Variants in MORN4 observed in about 807,000 individuals in gnomAD.
MORN4 encodes MORN repeat containing 4.
MORN4 carries 8 observed loss-of-function variants against 16.4 expected under a neutral mutation model. That is an observed-to-expected ratio of 0.49 (90% CI 0.29 to 0.88). MORN4 has a LOEUF of 0.88. Among genes scored for constraint, MORN4 ranks in the 40% least tolerant of loss-of-function variants. MORN4 has a pLI of 0.09. For missense variants in MORN4, 159 were observed against 182.9 expected, an observed-to-expected ratio of 0.87 and a Z score of 0.75; for synonymous variants, 53 against 68.9, an observed-to-expected ratio of 0.77 and a Z score of 1.14.
intron 2 of MORN4, 149 bp downstream of exon 2, chr10:97,619,438 A>C (rs1470771219): frequency 4.4e-6 from 3 of 681,742 alleles, no homozygotes; most frequent in Non-Finnish European, 8.2e-6. Context: ...ATTTAATCCT[A>C]AAATGGAATA....
intron 2 of MORN4, 28 bp downstream of exon 2, chr10:97,619,559 A>T: frequency 6.5e-7 from 1 of 1,530,434 alleles, no homozygotes; most frequent in Non-Finnish European, 9.1e-7. Context: ...AGTGTTCATC[A>T]TGGATACTCC....
chr10:97,628,538 CT>C (rs746160008), intron 1 of MORN4, among the ~76,000 whole-genome samples: 1,851 of 144,752 alleles, frequency 0.013, 25 homozygotes, highest in African/African-American at 0.037. Flanking sequence ...TTTTTTCTTT[CT>C]TTTTTTTTTT....
At chr10:97,626,754 AT>A (rs536665432) in intron 1 of MORN4, among the ~76,000 whole-genome samples, 2,063 of 110,960 alleles carry the variant, frequency 0.019, 41 homozygotes, top group African/African-American at 0.05. Flanking sequence ...CTGTGCCCAG[AT>A]TTTTTTTTTT....
At position 97,616,748 on chromosome 10, in the gene MORN4, G is replaced by A. The variant is rs1229615343; in HGVS notation, c.222C>T (p.Val74=). 4.3e-6 allele frequency: 7 copies of A among 1,613,906 alleles called. No individual in the cohort carries two copies. The African/African-American group carries it at 8.0e-5, about 18-fold the overall frequency. Residue 74 remains valine (V), a synonymous_variant, in exon 4 of 5, where the codon GTC becomes GTT. Coordinates refer to ENST00000307450, the MANE Select transcript of MORN4 (RefSeq NM_178832.4). ...TGTTGTCATATCGAATGAAGACTCC[G>A]ACGCCATTAAACTTGCCCTGGGCAA... ...GEFAQGKFNG[V]GVFIRYDNMT... is the part of the protein sequence containing the mutation.
At chr10:97,632,435 T>C (rs2041404898) in intron 1 of MORN4, among the ~76,000 whole-genome samples, 1 of 152,054 alleles carries the variant, frequency 6.6e-6, no homozygotes, top group South Asian at 2.1e-4. Context: ...GCCAAGCTAG[T>C]TTTGAACTCC....
intron 4 of MORN4, 32 bp downstream of exon 4, chr10:97,616,646 T>C (rs1206443558): frequency 2.6e-6 from 4 of 1,544,196 alleles, no homozygotes; most frequent in Non-Finnish European, 3.6e-6. Context: ...TATGCCCACC[T>C]AAGTCAGCCA....
chr10:97,633,920 T>C (rs1459690880), upstream of MORN4, among the ~76,000 whole-genome samples: 1 of 152,218 alleles, frequency 6.6e-6, no homozygotes, highest in East Asian at 1.9e-4. The surrounding 1 kb of genome is among the most constrained non-coding windows in gnomAD (Gnocchi z 4.5). Flanking sequence ...CTAGACATTG[T>C]GATATCAAGA....
chr10:97,621,939 A>G (rs897835199), intron 1 of MORN4, among the ~76,000 whole-genome samples: 2 of 152,028 alleles, frequency 1.3e-5, no homozygotes, highest in Non-Finnish European at 2.9e-5. Context: ...TGTTCTAGAT[A>G]ATGGAATGTT....
At chr10:97,616,849 G>A (rs920175173) in intron 3 of MORN4, 62 bp from the exon 4 acceptor site, 9 of 1,152,016 alleles carry the variant, frequency 7.8e-6, no homozygotes, top group African/African-American at 4.6e-5. Context: ...GAACGGAGTC[G>A]AGCAGCTGCT....
intron 3 of MORN4, 57 bp from the exon 4 acceptor site, chr10:97,616,844 G>A: frequency 8.3e-7 from 1 of 1,209,128 alleles, no homozygotes; most frequent in Non-Finnish European, 1.2e-6. Flanking sequence ...CAGATGAACG[G>A]AGTCGAGCAG....
At chr10:97,622,993 C>T (rs964680388) in intron 1 of MORN4, among the ~76,000 whole-genome samples, 2 of 151,778 alleles carry the variant, frequency 1.3e-5, no homozygotes, top group African/African-American at 2.4e-5. Flanking sequence ...CAAGGCATCC[C>T]GTCACCTCAG....
At chr10:97,624,667 A>G (rs2135739694) in intron 1 of MORN4, among the ~76,000 whole-genome samples, 1 of 152,234 alleles carries the variant, frequency 6.6e-6, no homozygotes, top group Middle Eastern at 3.4e-3. Context: ...ATTCTTCCTC[A>G]TCAGCTTCCC....
Position 97,630,883 on chromosome 10 carries a change from G to A in MORN4, c.-31+2464C>T, listed in dbSNP as rs990067063. 2.6e-5 allele frequency among the ~76,000 whole-genome samples: 4 copies of A among 152,118 alleles called. No homozygotes were observed. The Middle Eastern group carries it at 0.01, about 388-fold the overall frequency. ...ACTTTTTTTTTTTTGAGGCAGTCTG[G>A]CTCTGTCATCCAAGCTGGAGTGCAG... On this transcript the variant is annotated intron_variant, in intron 1 of 4. Transcript: ENST00000307450.
At chr10:97,630,858 A>G (rs1460481143) in intron 1 of MORN4, among the ~76,000 whole-genome samples, 28 of 151,586 alleles carry the variant, frequency 1.8e-4, no homozygotes, top group Admixed American at 1.8e-3. Context: ...AAAGCCCAAT[A>G]CTTTTTTTTT....
At chr10:97,626,580 C>T (rs1294305924) in intron 1 of MORN4, among the ~76,000 whole-genome samples, 4 of 150,476 alleles carry the variant, frequency 2.7e-5, no homozygotes, top group Non-Finnish European at 5.9e-5. Context: ...CTCAGCCTCT[C>T]GAATAGCTGG....
Position 97,633,470 on chromosome 10 carries a change from A to T in MORN4, c.-154T>A. 1 of 1,289,708 alleles carries T rather than the reference A, an allele frequency of 7.8e-7. No individual in the cohort carries two copies. The highest frequency in any genetic ancestry group is 1.0e-6 in the Non-Finnish European group (1 of 988,820). 79.9% of individuals were successfully genotyped at this position (1,289,708 alleles called of 1,614,324 possible). Reference sequence around the variant, plus strand: ...CGCCACCTCCACCAGCGATTGCCCCACTTGACGCCGCCATCCTGGGCGACC... The same window carrying T: ...CGCCACCTCCACCAGCGATTGCCCCTCTTGACGCCGCCATCCTGGGCGACC... On this transcript the variant is annotated 5_prime_UTR_variant, in exon 1 of 5. Coordinates refer to ENST00000307450, the MANE Select transcript of MORN4 (RefSeq NM_178832.4). This position sits in a 1 kb window ranked among gnomAD's most constrained non-coding sequence, Gnocchi z 4.5.
chr10:97,622,097 C>T (rs1589919982), intron 1 of MORN4, among the ~76,000 whole-genome samples: 1 of 152,154 alleles, frequency 6.6e-6, no homozygotes, highest in African/African-American at 2.4e-5. Flanking sequence ...CACAGATGAA[C>T]AAATTGCTCA....
At position 97,618,258 on chromosome 10, in the gene MORN4, C is replaced by CTTTTTTTTT. The variant is rs1192502394; in HGVS notation, c.68-945_68-937dup. ...CCTTTACTATGTGCCAGCCTCTCTT[C>CTTTTTTTTT]TTTTTTTTTTTTTTTTTTTTTTTTG... On this transcript the variant is annotated intron_variant, in intron 2 of 4. Transcript: ENST00000307450. Among the ~76,000 whole-genome samples the CTTTTTTTTT allele has an allele frequency of 5.0e-4, 46 of 92,830 alleles. 2 individuals are homozygous for CTTTTTTTTT. The highest frequency in any genetic ancestry group is 3.9e-3 in the East Asian group (11 of 2,792). 60.9% of individuals were successfully genotyped at this position (92,830 alleles called of 152,430 possible). A position where few individuals can be genotyped will look rare whatever the true frequency, so the allele number is the denominator to read the frequency against.
At chr10:97,621,863 T>TA (rs568998328) in intron 1 of MORN4, among the ~76,000 whole-genome samples, 2,053 of 145,268 alleles carry the variant, frequency 0.014, 38 homozygotes, top group African/African-American at 0.048. Context: ...AGGCTCTGTC[T>TA]AAAAAAAAAA....
Sources: allele counts gnomAD v4.1 joint callset (sites outside exome capture counted in the v4.1 genomes callset), GRCh38; gene constraint gnomAD v4.1.1; non-coding constraint Gnocchi (gnomAD v3.1); transcripts MANE v1.5; gene names NCBI Gene and HGNC (gene_info 2026-07-23, HGNC 2026-07-21).